The following EPS15L1 variants were observed in gnomAD, a reference collection of about 807,000 sequenced individuals.
EPS15L1 encodes epidermal growth factor receptor pathway substrate 15 like 1.
EPS15L1 carries 43 observed loss-of-function variants against 117.1 expected under a neutral mutation model. The ratio of observed to expected loss-of-function variants is 0.37; its 90% CI spans 0.29 to 0.47. The LOEUF is 0.47. Ranked by LOEUF, EPS15L1 falls within the 20% of genes least tolerant of loss-of-function variation. The pLI is 0.99. For missense variants in EPS15L1, 981 were observed against 1,164.0 expected (o/e 0.84, Z 2.29); for synonymous variants, 459 against 470.5 (o/e 0.98, Z 0.32).
intron 1 of EPS15L1, among the ~76,000 whole-genome samples, chr19:16,445,098 G>C (rs963384984): frequency 2.0e-5 from 3 of 152,128 alleles, no homozygotes; most frequent in African/African-American, 7.2e-5. Context: ...GGAAAAAAAA[G>C]AGTTTCAGTC....
rs577124423 is a variant in EPS15L1, at chr19:16,395,909, C to T, written c.1792-442G>A. Among the ~76,000 whole-genome samples the T allele has an allele frequency of 3.6e-4, 51 of 142,692 alleles. 1 individual carries two copies. Among genetic ancestry groups the T allele is most frequent in the African/African-American group, 1.3e-3 (46 of 36,342 alleles). 93.6% of individuals were successfully genotyped at this position (142,692 alleles called of 152,430 possible). On this transcript the variant is annotated intron_variant, in intron 16 of 23. Transcript: ENST00000455140. ...GCAGTGAGCTGAGATTACGCCATTGCGCTCCAGCCTGGGCGATAGAGTGAG... is the reference window on the plus strand; with the variant it reads ...GCAGTGAGCTGAGATTACGCCATTGTGCTCCAGCCTGGGCGATAGAGTGAG...
intron 16 of EPS15L1, among the ~76,000 whole-genome samples, chr19:16,396,118 T>G (rs1303201380): frequency 2.6e-5 from 4 of 151,606 alleles, no homozygotes; most frequent in Admixed American, 2.6e-4. Flanking sequence ...AAAAAAAAAA[T>G]TAATTAAAGA....
intron 4 of EPS15L1, among the ~76,000 whole-genome samples, chr19:16,438,707 A>C (rs549614405): frequency 1.3e-5 from 2 of 151,966 alleles, no homozygotes; most frequent in African/African-American, 4.8e-5. Context: ...GTTTTTATTT[A>C]TTTTTTTAGA....
intron 22 of EPS15L1, among the ~76,000 whole-genome samples, chr19:16,368,667 C>T (rs1173773068): frequency 2.6e-5 from 4 of 151,824 alleles, no homozygotes; most frequent in Admixed American, 2.0e-4. Context: ...ACACAACAGG[C>T]GATCTCACAA....
At chr19:16,438,029 G>A (rs1027410374) in intron 4 of EPS15L1, among the ~76,000 whole-genome samples, 164 bp from the exon 5 acceptor site, 1 of 152,170 alleles carries the variant, frequency 6.6e-6, no homozygotes. Context: ...GACTCACCTT[G>A]GGGACATCGC....
chr19:16,410,539 A>C (rs2092697256), intron 13 of EPS15L1, among the ~76,000 whole-genome samples: 1 of 152,220 alleles, frequency 6.6e-6, no homozygotes, highest in Non-Finnish European at 1.5e-5. Flanking sequence ...TTCACACAAA[A>C]ACTTGCAGAC....
At position 16,370,882 on chromosome 19, in the gene EPS15L1, G is replaced by A. The variant is rs1469683118; in HGVS notation, c.2380+6240C>T. Among the ~76,000 whole-genome samples the A allele has an allele frequency of 6.6e-6, 1 of 152,184 alleles. No individual in the cohort carries two copies. The highest frequency in any genetic ancestry group is 1.9e-4 in the East Asian group (1 of 5,186). On this transcript the variant is annotated intron_variant, in intron 22 of 23. Coordinates refer to ENST00000455140, the MANE Select transcript of EPS15L1 (RefSeq NM_001258374.3). This position sits in a 1 kb window ranked among gnomAD's most constrained non-coding sequence, Gnocchi z 5.2. The stretch of plus-strand genomic sequence containing the variant: ...GGATGGGGGGCGTGGGCAGGAAAGA[G>A]GGACTCCACCTGGTTGGCCGTTTTA...
chr19:16,467,786 G>A (rs2093317087), intron 1 of EPS15L1, among the ~76,000 whole-genome samples: 1 of 152,196 alleles, frequency 6.6e-6, no homozygotes, highest in Admixed American at 6.5e-5. Flanking sequence ...CTCTGGGAGA[G>A]GTGCCCAGCA....
At chr19:16,388,921 C>T (rs1160696112) in intron 19 of EPS15L1, among the ~76,000 whole-genome samples, 1 of 151,990 alleles carries the variant, frequency 6.6e-6, no homozygotes, top group Non-Finnish European at 1.5e-5. Context: ...ACAAACAAAA[C>T]CCCAACAACC....
chr19:16,417,434 C>A (rs1478586374), intron 12 of EPS15L1, 118 bp downstream of exon 12: 1 of 815,016 alleles, frequency 1.2e-6, no homozygotes, highest in Non-Finnish European at 2.0e-6. Context: ...TCTTTTCCTT[C>A]CTTCTGAATA....
intron 1 of EPS15L1, among the ~76,000 whole-genome samples, chr19:16,442,532 A>T (rs1434933807): frequency 6.6e-6 from 1 of 152,224 alleles, no homozygotes; most frequent in East Asian, 1.9e-4. Context: ...AAGGGATTTC[A>T]GCTCCTGGAG....
In EPS15L1 at chr19:16,381,051, T is replaced by C. The variant is rs891274845; in HGVS notation, c.2248-3797A>G. Among the ~76,000 whole-genome samples, 2 of 152,128 alleles carry C rather than the reference T, an allele frequency of 1.3e-5. No homozygotes were observed. The highest frequency in any genetic ancestry group is 2.9e-5 in the Non-Finnish European group (2 of 67,984). ...TCCCCCCGATAAGGGCAGTGGCAGG[T>C]GCCCCCAGGGAGGGGAAGGGGCCCC... On this transcript the variant is annotated intron_variant, in intron 21 of 23. Transcript: ENST00000455140. This position sits in a 1 kb window ranked among gnomAD's most constrained non-coding sequence, Gnocchi z 4.2.
chr19:16,452,997 T>A (rs1231080794), intron 1 of EPS15L1, among the ~76,000 whole-genome samples: 1 of 152,012 alleles, frequency 6.6e-6, no homozygotes, highest in Non-Finnish European at 1.5e-5. Context: ...AGACGGGGTT[T>A]CACCGTGTTA....
At chr19:16,425,762 G>A (rs1226759407) in intron 8 of EPS15L1, among the ~76,000 whole-genome samples, 5 of 152,094 alleles carry the variant, frequency 3.3e-5, no homozygotes, top group East Asian at 1.9e-4. Context: ...CTGTGATCGC[G>A]CCACTGCACT....
At position 16,365,800 on chromosome 19, in the gene EPS15L1, C is replaced by T. The variant is rs756295906; in HGVS notation, c.2381-3816G>A. 7.2e-5 allele frequency among the ~76,000 whole-genome samples: 11 copies of T among 152,306 alleles called. No homozygotes were observed. In the South Asian group the frequency reaches 2.3e-3, roughly 32 times the overall value. On this transcript the variant is annotated intron_variant, in intron 22 of 23. Transcript: ENST00000455140. The surrounding 1 kb of genome is among the most constrained non-coding windows in gnomAD (Gnocchi z 4.9). ...GGCTGAGGGTCAGCTCTGTGAAAAG[C>T]GGGCCCAGCATACCACAAATGCCAG...
At chr19:16,380,095 T>C (rs2092344273) in intron 21 of EPS15L1, among the ~76,000 whole-genome samples, 1 of 151,736 alleles carries the variant, frequency 6.6e-6, no homozygotes, top group South Asian at 2.1e-4. Flanking sequence ...GGCTCTGGCA[T>C]CTGGTTACAC....
intron 1 of EPS15L1, among the ~76,000 whole-genome samples, chr19:16,447,220 G>A (rs903442580): frequency 9.9e-5 from 15 of 152,274 alleles, no homozygotes; most frequent in Admixed American, 4.6e-4. Flanking sequence ...TCAGGGAAAC[G>A]CTGGGGTATG....
In EPS15L1 at chr19:16,384,856, T is replaced by A. The variant is rs533022558; in HGVS notation, c.2247+273A>T. Among the ~76,000 whole-genome samples the A allele has an allele frequency of 3.3e-5, 5 of 152,266 alleles. No homozygotes were observed. In the South Asian group the frequency reaches 1.0e-3, roughly 32 times the overall value. ...TCAAGTTTCTACTCGGCCATGGCAA[T>A]GACTTCACCGTCTGAGACCTGATGG... On this transcript the variant is annotated intron_variant, in intron 21 of 23. Transcript: ENST00000455140.
intron 19 of EPS15L1, 23 bp downstream of exon 19, chr19:16,392,281 G>T (rs368631545): frequency 1.2e-6 from 2 of 1,613,432 alleles, no homozygotes; most frequent in Non-Finnish European, 1.7e-6. Context: ...CAGCTCTCCC[G>T]GGCAACGTCC....
Sources: gnomAD v4.1 joint callset for allele counts (sites outside exome capture counted in the v4.1 genomes callset) on GRCh38, gnomAD v4.1.1 for gene constraint, Gnocchi (gnomAD v3.1) non-coding constraint, MANE v1.5 for transcripts, NCBI Gene and HGNC (gene_info 2026-07-23, HGNC 2026-07-21) for gene names.